The following TMTC1 variants were observed in gnomAD, a reference collection of about 807,000 sequenced individuals.
The protein encoded by TMTC1 is transmembrane O-mannosyltransferase targeting cadherins 1, also known as protein O-mannosyl-transferase TMTC1.
In TMTC1, 73 loss-of-function variants were observed where a neutral mutation model predicts 104.8. The ratio of observed to expected loss-of-function variants is 0.70; its 90% CI spans 0.58 to 0.85. The LOEUF is 0.85. Among genes scored for constraint, TMTC1 ranks in the 40% least tolerant of loss-of-function variants. The pLI is 0.00. For synonymous variants in TMTC1, 434 were observed against 428.7 expected (o/e 1.01, Z -0.15); for missense variants, 1,035 against 1,096.1 (o/e 0.94, Z 0.79).
rs149749603 is a variant in TMTC1 at position 29,650,444 on chromosome 12, C to T, written c.939-17108G>A. Among the ~76,000 whole-genome samples, 8 of 152,218 alleles carry T rather than the reference C, an allele frequency of 5.3e-5. No homozygotes were observed. The East Asian group carries it at 1.4e-3, about 26-fold the overall frequency. ...TGTCACCTCTCTTCCTGAGGTGAGA[C>T]ACCCGGGCCTCAGGTCATCCCAGCC... is the stretch of plus-strand genomic sequence containing the variant. On this transcript the variant is annotated intron_variant, in intron 5 of 17. Coordinates refer to ENST00000539277, the MANE Select transcript of TMTC1 (RefSeq NM_001193451.2).
chr12:29,519,281 G>A (rs912754581), intron 12 of TMTC1: 1 of 152,080 alleles, frequency 6.6e-6, no homozygotes, highest in Non-Finnish European at 1.5e-5. Flanking sequence ...CTGTTTAGCT[G>A]TTTATCAGGA....
intron 5 of TMTC1, among the ~76,000 whole-genome samples, chr12:29,639,812 A>G (rs1938745408): frequency 6.6e-6 from 1 of 152,254 alleles, no homozygotes; most frequent in Non-Finnish European, 1.5e-5. Flanking sequence ...AATGAATGCA[A>G]CAACATGGAG....
chr12:29,631,787 C>A (rs532238917), intron 6 of TMTC1, among the ~76,000 whole-genome samples: 1 of 152,296 alleles, frequency 6.6e-6, no homozygotes, highest in African/African-American at 2.4e-5. Flanking sequence ...AAATCTGTTT[C>A]TCTGCAGAAT....
At chr12:29,743,239 C>A (rs923581940) in intron 5 of TMTC1, among the ~76,000 whole-genome samples, 6 of 152,108 alleles carry the variant, frequency 3.9e-5, no homozygotes, top group Admixed American at 3.9e-4. Flanking sequence ...GAATTGGAGC[C>A]CAGGCACTCT....
chr12:29,575,179 G>T (rs1246398234), intron 8 of TMTC1, among the ~76,000 whole-genome samples: 1 of 152,138 alleles, frequency 6.6e-6, no homozygotes, highest in Non-Finnish European at 1.5e-5. Flanking sequence ...TCACCTGAAG[G>T]AAGGTGGCAG....
intron 6 of TMTC1, among the ~76,000 whole-genome samples, chr12:29,606,135 C>T (rs549089419): frequency 6.6e-6 from 1 of 152,214 alleles, no homozygotes; most frequent in Non-Finnish European, 1.5e-5. Flanking sequence ...AGGCTGATTC[C>T]ATGTCTTTGC....
chr12:29,704,769 T>C (rs981230988), intron 5 of TMTC1, among the ~76,000 whole-genome samples: 3 of 152,144 alleles, frequency 2.0e-5, no homozygotes, highest in Non-Finnish European at 2.9e-5. Context: ...ACCTGTCTGT[T>C]ATACAAGACT....
rs1281306229 is a variant in TMTC1 at position 29,587,943 on chromosome 12, AT to A, written c.1251-4370del. 2.0e-5 allele frequency among the ~76,000 whole-genome samples: 3 copies of A among 152,248 alleles called. No individual in the cohort carries two copies. In the East Asian group the frequency reaches 5.8e-4, roughly 29 times the overall value. ...ACCTCCTTAAAAAACTTTTTTCTCC[AT>A]CTTCTGTTCTCTGTATCAAGAGCAG... On this transcript the variant is annotated intron_variant, in intron 7 of 17. Transcript: ENST00000539277.
At chr12:29,637,210 A>T (rs766617031) in intron 5 of TMTC1, among the ~76,000 whole-genome samples, 3 of 152,310 alleles carry the variant, frequency 2.0e-5, no homozygotes, top group Middle Eastern at 6.8e-3. Context: ...GGTGGAGGGG[A>T]TAGTTCAGCT....
chr12:29,683,478 T>A (rs534008917), intron 5 of TMTC1, among the ~76,000 whole-genome samples: 1 of 152,268 alleles, frequency 6.6e-6, no homozygotes. Context: ...TGAACTAAAT[T>A]ATACTCATCA....
rs548642846 is a variant in TMTC1 at position 29,673,363 on chromosome 12, G to A, written c.939-40027C>T. Among the ~76,000 whole-genome samples, 4 of 152,280 alleles carry A rather than the reference G, an allele frequency of 2.6e-5. No individual in the cohort carries two copies. The South Asian group carries it at 8.3e-4, about 32-fold the overall frequency. ...ACAACTGTCATTCAGATAACTGTCA[G>A]CATGTCAATGTTTGTGTAAAACGCT... On this transcript the variant is annotated intron_variant, in intron 5 of 17. Transcript: ENST00000539277.
chr12:29,780,616 T>C (rs1943813451), intron 1 of TMTC1, among the ~76,000 whole-genome samples: 5 of 152,056 alleles, frequency 3.3e-5, no homozygotes, highest in Admixed American at 2.0e-4. Context: ...AATCTACACA[T>C]ATGATAAAGC....
chr12:29,730,520 C>A (rs1267153368), intron 5 of TMTC1, among the ~76,000 whole-genome samples: 1 of 152,182 alleles, frequency 6.6e-6, no homozygotes, highest in Non-Finnish European at 1.5e-5. Context: ...TTCTCTCCCG[C>A]TTTTCCTTCT....
At chr12:29,663,974 T>C (rs1349549972) in intron 5 of TMTC1, among the ~76,000 whole-genome samples, 2 of 151,612 alleles carry the variant, frequency 1.3e-5, no homozygotes, top group Admixed American at 1.3e-4. Context: ...GATCACGAGG[T>C]CAGGAGATCG....
intron 5 of TMTC1, among the ~76,000 whole-genome samples, chr12:29,683,365 A>G (rs1940984722): frequency 6.6e-6 from 1 of 152,224 alleles, no homozygotes; most frequent in Non-Finnish European, 1.5e-5. Context: ...TAGAAACAGA[A>G]TCCCAAAAAG....
intron 7 of TMTC1, among the ~76,000 whole-genome samples, chr12:29,584,283 A>T (rs973703388): frequency 2.6e-5 from 4 of 152,142 alleles, no homozygotes; most frequent in African/African-American, 9.7e-5. Flanking sequence ...ATGGTCCCTC[A>T]CATCATCTAT....
At chr12:29,769,774 G>C (rs1943553967) in intron 1 of TMTC1, among the ~76,000 whole-genome samples, 1 of 152,136 alleles carries the variant, frequency 6.6e-6, no homozygotes, top group Non-Finnish European at 1.5e-5. Flanking sequence ...CATCTGATCG[G>C]TAGGTGTCCA....
chr12:29,715,806 G>C (rs1380696771), intron 5 of TMTC1, among the ~76,000 whole-genome samples: 2 of 151,958 alleles, frequency 1.3e-5, no homozygotes, highest in Non-Finnish European at 2.9e-5. Flanking sequence ...GCTGAACAAA[G>C]GGGAAAAAGC....
At chr12:29,616,504 C>T (rs1946982001) in intron 6 of TMTC1, among the ~76,000 whole-genome samples, 1 of 151,922 alleles carries the variant, frequency 6.6e-6, no homozygotes, top group Non-Finnish European at 1.5e-5. Flanking sequence ...TCCGTCTCTA[C>T]TAAAAATACA....
Sources: allele counts gnomAD v4.1 joint callset (sites outside exome capture counted in the v4.1 genomes callset), GRCh38; gene constraint gnomAD v4.1.1; transcripts MANE v1.5; gene names NCBI Gene and HGNC (gene_info 2026-07-23, HGNC 2026-07-21).